The following REST variants were observed in gnomAD, a reference collection of about 807,000 sequenced individuals.
REST encodes the protein RE1 silencing transcription factor, also known as RE1-silencing transcription factor.
Under a neutral mutation model 30.4 loss-of-function variants are expected in REST, and 1 was observed. That is an observed-to-expected ratio of 0.03 (90% CI 0.01 to 0.16). The LOEUF (loss-of-function observed/expected upper bound fraction) is 0.16, where lower values mean the gene tolerates loss of function less well. Ranked by LOEUF, REST falls within the 10% of genes least tolerant of loss-of-function variation. The pLI, the probability that REST is intolerant of heterozygous loss-of-function variation, is 1.00. For synonymous variants in REST, 504 were observed against 451.1 expected (o/e 1.12, Z -1.49); for missense variants, 1,259 against 1,329.5 (o/e 0.95, Z 0.82).
chr4:56,928,378 A>AT (rs1339877169), intron 3 of REST, among the ~76,000 whole-genome samples: 16 of 151,946 alleles, frequency 1.1e-4, no homozygotes, highest in Admixed American at 1.0e-3. Context: ...AAGTGCTGGG[A>AT]TTACAGGTGT....
At chr4:56,917,925 G>A (rs934566587) in intron 2 of REST, among the ~76,000 whole-genome samples, 3 of 151,742 alleles carry the variant, frequency 2.0e-5, no homozygotes, top group Non-Finnish European at 2.9e-5. Flanking sequence ...GGTGGCGGGC[G>A]CCTGTAGTCC....
At position 56,917,767 on chromosome 4, in the gene REST, T is replaced by C. The variant is rs538590682; in HGVS notation, c.899-2020T>C. ...TTGTATACCTTTTTTTAAAAGCTTGTTTTGCCGGGTGTGGCGGCTCATGCC... is the reference window on the plus strand; with the variant it reads ...TTGTATACCTTTTTTTAAAAGCTTGCTTTGCCGGGTGTGGCGGCTCATGCC... On this transcript the variant is annotated intron_variant, in intron 2 of 3. Coordinates refer to ENST00000309042, the MANE Select transcript of REST (RefSeq NM_005612.5). 5.0e-4 allele frequency among the ~76,000 whole-genome samples: 76 copies of C among 152,284 alleles called. 1 individual carries two copies. In the South Asian group the frequency reaches 0.014, roughly 28 times the overall value.
chr4:56,915,123 A>C (rs1469956160), intron 2 of REST, among the ~76,000 whole-genome samples: 1 of 149,122 alleles, frequency 6.7e-6, no homozygotes, highest in Non-Finnish European at 1.5e-5. Flanking sequence ...AGGTTTCTCC[A>C]TGTTGGGCAG....
intron 3 of REST, among the ~76,000 whole-genome samples, chr4:56,929,517 A>G (rs1720869737): frequency 6.6e-6 from 1 of 152,160 alleles, no homozygotes; most frequent in Admixed American, 6.5e-5. Flanking sequence ...TAAGTTGATA[A>G]TATTCCTCCA....
chr4:56,917,765 TG>T lies in REST; in HGVS notation c.899-2021del, dbSNP rs375706836. On this transcript the variant is annotated intron_variant, in intron 2 of 3. Transcript: ENST00000309042. ...AATTGTATACCTTTTTTTAAAAGCT[TG>T]TTTTGCCGGGTGTGGCGGCTCATGC... Among the ~76,000 whole-genome samples, 76 of 152,264 alleles carry T rather than the reference TG, an allele frequency of 5.0e-4. 1 individual carries two copies. The South Asian group carries it at 0.014, about 28-fold the overall frequency.
At position 56,930,745 on chromosome 4, in the gene REST, G is replaced by A. The variant is rs1720923076; in HGVS notation, c.1887G>A (p.Glu629=). 2 of 1,600,568 alleles carry A rather than the reference G, an allele frequency of 1.2e-6. No individual in the cohort carries two copies. Among genetic ancestry groups the A allele is most frequent in the Admixed American group, 1.8e-5 (1 of 55,958 alleles). ...EAVQKGPVQV[E]PPPPMEHAQM... ...TTCAGAAGGGGCCCGTTCAGGTGGA[G>A]CCGCCACCTCCCATGGAGCATGCTC... is the stretch of plus-strand genomic sequence containing the variant. The change falls in exon 4 of 4, where the codon GAG becomes GAA. Residue 629 remains glutamate (E), a synonymous_variant. Coordinates refer to ENST00000309042, the MANE Select transcript of REST (RefSeq NM_005612.5).
At chr4:56,929,065 A>ATT (rs201103514) in intron 3 of REST, among the ~76,000 whole-genome samples, 11 of 140,142 alleles carry the variant, frequency 7.8e-5, no homozygotes, top group Non-Finnish European at 1.2e-4. Context: ...TGCCTGGCTA[A>ATT]TTTTTTTTTT....
At chr4:56,917,356 G>A (rs888914189) in intron 2 of REST, among the ~76,000 whole-genome samples, 6 of 152,082 alleles carry the variant, frequency 3.9e-5, no homozygotes, top group Non-Finnish European at 5.9e-5. Flanking sequence ...ACAGGGTCTC[G>A]CTCTGTTGCC....
chr4:56,930,636 G>T lies in REST; in HGVS notation c.1778G>T (p.Ser593Ile). ...AAAAATAAATCAAGTAAGAAAAGCA[G>T]TAAGCCTCCTCAGAAGGAACCTGTT... ...TLKNKSSKKS[S>I]KPPQKEPVEK... The change falls in exon 4 of 4, where the codon AGT becomes ATT. Residue 593 changes from serine (S) to isoleucine (I), a missense_variant. Ser to Ile is a moderately radical substitution (Grantham distance 142, BLOSUM62 -2). Transcript: ENST00000309042. 2.5e-6 allele frequency: 4 copies of T among 1,613,346 alleles called. No individual in the cohort carries two copies. The highest frequency in any genetic ancestry group is 2.5e-6 in the Non-Finnish European group (3 of 1,179,922).
Position 56,930,472 on chromosome 4 carries a change from ATCT to A in REST, c.1617_1619del (p.Ser540del). Reference sequence around the variant, plus strand: ...TACATGGTCCTGTGAATGATGAGGAATCTTCAACAAAAAAGAAAAAGAAGGTAG... The same window carrying A: ...TACATGGTCCTGTGAATGATGAGGAATCAACAAAAAAGAAAAAGAAGGTAG... On this transcript the variant is annotated inframe_deletion, in exon 4 of 4. Coordinates refer to ENST00000309042, the MANE Select transcript of REST (RefSeq NM_005612.5). 6.2e-7 allele frequency: 1 copy of A among 1,612,584 alleles called. No individual in the cohort carries two copies. Among genetic ancestry groups the A allele is most frequent in the Non-Finnish European group, 8.5e-7 (1 of 1,179,740 alleles).
Position 56,911,483 on chromosome 4 carries a change from A to T in REST, c.845A>T (p.Asn282Ile). Residue 282 changes from asparagine (N) to isoleucine (I), a missense_variant, in exon 2 of 4, where the codon AAC becomes ATC. By Grantham distance (149) the Asn-to-Ile change is moderately radical. This residue lies in a region of REST where 125 missense variants were observed against 255.4 expected (regional missense o/e 0.49). Transcript: ENST00000309042. ...PRKVYTCGKCNYFSDRKNNYV... is the reference protein window; with the variant it reads ...PRKVYTCGKCIYFSDRKNNYV... ...AAAGTATACACATGTGGAAAATGCA[A>T]CTATTTTTCAGACAGAAAAAACAAT... is the stretch of plus-strand genomic sequence containing the variant. 6.2e-7 allele frequency: 1 copy of T among 1,614,058 alleles called. No homozygotes were observed. The highest frequency in any genetic ancestry group is 8.5e-7 in the Non-Finnish European group (1 of 1,179,942).
At chr4:56,918,330 CAA>C (rs111891686) in intron 2 of REST, among the ~76,000 whole-genome samples, 31 of 137,314 alleles carry the variant, frequency 2.3e-4, no homozygotes, top group African/African-American at 3.4e-4. Context: ...GGTCTCTACC[CAA>C]AAAAAAAAAA....
intron 2 of REST, among the ~76,000 whole-genome samples, chr4:56,911,861 G>A (rs984512015): frequency 9.2e-5 from 14 of 152,168 alleles, no homozygotes; most frequent in African/African-American, 3.1e-4. Context: ...GGTGGCTCAC[G>A]CCTGTAATCC....
At chr4:56,928,792 T>C (rs1720823479) in intron 3 of REST, among the ~76,000 whole-genome samples, 1 of 151,678 alleles carries the variant, frequency 6.6e-6, no homozygotes, top group Non-Finnish European at 1.5e-5. Flanking sequence ...TTTTACTATG[T>C]TGGCCAGGCT....
chr4:56,930,934 G>T lies in REST; in HGVS notation c.2076G>T (p.Glu692Asp), dbSNP rs2227902. The T allele has an allele frequency of 0.075, 120,282 of 1,613,862 alleles. 4,838 individuals carry two copies. The highest frequency in any genetic ancestry group is 0.091 in the African/African-American group (6,837 of 74,942). The stretch of plus-strand genomic sequence containing the variant: ...ACATGGAGCTGCCTCCTCCCATGGA[G>T]ACTGCTCAGACGGAGGTTGCCCAAA... Reference protein sequence around the residue: ...LAHMELPPPMETAQTEVAQMG... With the variant: ...LAHMELPPPMDTAQTEVAQMG... The change falls in exon 4 of 4, where the codon GAG becomes GAT. Residue 692 changes from glutamate (E) to aspartate (D), a missense_variant. Physicochemically the swap from Glu to Asp is conservative, Grantham distance 45. Around this residue, in one of 5 missense-constraint regions of REST, gnomAD observed 856 missense variants for 772.8 expected, o/e 1.11. Transcript: ENST00000309042.
chr4:56,930,709 C>T lies in REST; in HGVS notation c.1851C>T (p.Pro617=). ...QMDPPQMGPA[P]TEAVQKGPVQ... is the part of the protein sequence containing the mutation. ...ACCCTCCTCAGATGGGGCCTGCTCC[C>T]ACAGAGGCGGTTCAGAAGGGGCCCG... Residue 617 remains proline, a synonymous_variant, in exon 4 of 4, where the codon CCC becomes CCT. Coordinates refer to ENST00000309042, the MANE Select transcript of REST (RefSeq NM_005612.5). The T allele has an allele frequency of 6.2e-7, 1 of 1,606,068 alleles. No individual in the cohort carries two copies. Among genetic ancestry groups the T allele is most frequent in the Admixed American group, 1.7e-5 (1 of 57,572 alleles).
intron 3 of REST, among the ~76,000 whole-genome samples, chr4:56,923,484 AC>A (rs1720543665): frequency 1.3e-5 from 2 of 152,136 alleles, no homozygotes; most frequent in African/African-American, 4.8e-5. Context: ...CGCTCTTGTC[AC>A]CCAGCTAGAG....
intron 1 of REST, chr4:56,908,869 TC>T (rs1719754104): frequency 6.6e-6 from 1 of 151,464 alleles, no homozygotes; most frequent in African/African-American, 2.4e-5. Flanking sequence ...TTCGCAAACT[TC>T]CGGGGCGCGG....
intron 2 of REST, among the ~76,000 whole-genome samples, chr4:56,912,774 A>C (rs1048974490): frequency 4.7e-5 from 7 of 149,908 alleles, no homozygotes; most frequent in Non-Finnish European, 5.9e-5. Flanking sequence ...AGCCTCCCAG[A>C]ATGCTGGGAT....
Sources: allele counts gnomAD v4.1 joint callset (sites outside exome capture counted in the v4.1 genomes callset), GRCh38; gene constraint gnomAD v4.1.1; regional missense constraint gnomAD v4.1.1; transcripts MANE v1.5; gene names NCBI Gene and HGNC (gene_info 2026-07-23, HGNC 2026-07-21).